The following NR3C1 variants were observed in gnomAD, a reference collection of about 807,000 sequenced individuals.
NR3C1 encodes nuclear receptor subfamily 3 group C member 1.
Under a neutral mutation model 74.0 loss-of-function variants are expected in NR3C1, and 14 were observed. The ratio of observed to expected loss-of-function variants is 0.19; its 90% CI spans 0.12 to 0.30. NR3C1 has a LOEUF of 0.30. Ranked by LOEUF, NR3C1 falls within the 10% of genes least tolerant of loss-of-function variation. The pLI, the probability that NR3C1 is intolerant of heterozygous loss-of-function variation, is 1.00. For synonymous variants in NR3C1, 308 were observed against 332.5 expected (o/e 0.93, Z 0.80); for missense variants, 695 against 909.8 (o/e 0.76, Z 3.04).
intron 2 of NR3C1, among the ~76,000 whole-genome samples, chr5:143,385,107 A>G (rs1475395229): frequency 6.6e-6 from 1 of 152,246 alleles, no homozygotes; most frequent in Non-Finnish European, 1.5e-5. Context: ...CTGAAGCAAC[A>G]GCCCAAGATT....
In NR3C1 at chr5:143,403,367, G is replaced by T; in HGVS notation, c.-170C>A. The T allele has an allele frequency of 1.0e-6, 1 of 985,482 alleles. No individual in the cohort carries two copies. Among genetic ancestry groups the T allele is most frequent in the Non-Finnish European group, 1.2e-6 (1 of 829,978 alleles). 61.0% of individuals were successfully genotyped at this position (985,482 alleles called of 1,614,324 possible). A position where few individuals can be genotyped will look rare whatever the true frequency, so the allele number is the denominator to read the frequency against. ...AGCCGCCCCTTTCTCCATGGGTGGG[G>T]GGAGAGCCCCTATTTAAGAAAGTCT... On this transcript the variant is annotated 5_prime_UTR_variant, in exon 1 of 9. Coordinates refer to ENST00000394464, the MANE Select transcript of NR3C1 (RefSeq NM_000176.3).
intron 1 of NR3C1, among the ~76,000 whole-genome samples, chr5:143,411,243 G>T (rs1841282191): frequency 6.6e-6 from 1 of 152,160 alleles, no homozygotes; most frequent in Non-Finnish European, 1.5e-5. Flanking sequence ...ACCAGAGCTT[G>T]ATTTGTTTTG....
At chr5:143,372,713 T>C (rs548970646) in intron 2 of NR3C1, among the ~76,000 whole-genome samples, 2 of 152,276 alleles carry the variant, frequency 1.3e-5, no homozygotes, top group Non-Finnish European at 2.9e-5. Context: ...ACATAAAAGT[T>C]GGGGAGGCTA....
intron 1 of NR3C1, among the ~76,000 whole-genome samples, chr5:143,421,486 T>C (rs1310536868): frequency 6.6e-6 from 1 of 152,092 alleles, no homozygotes; most frequent in East Asian, 1.9e-4. Flanking sequence ...CACAGGATTG[T>C]TATGAGGACT....
chr5:143,375,065 A>AT (rs1834931790), intron 2 of NR3C1, among the ~76,000 whole-genome samples: 1 of 152,194 alleles, frequency 6.6e-6, no homozygotes, highest in Admixed American at 6.5e-5. Flanking sequence ...CAGCAGCTAT[A>AT]TTTGAACACA....
At chr5:143,342,080 A>G (rs1251116912) in intron 2 of NR3C1, among the ~76,000 whole-genome samples, 1 of 152,144 alleles carries the variant, frequency 6.6e-6, no homozygotes, top group Non-Finnish European at 1.5e-5. Flanking sequence ...CGACAGCCAC[A>G]GTCAAAACAG....
At chr5:143,411,031 CTT>C (rs1841272799) in intron 1 of NR3C1, among the ~76,000 whole-genome samples, 1 of 152,116 alleles carries the variant, frequency 6.6e-6, no homozygotes, top group South Asian at 2.1e-4. Context: ...ATGCTGAAGA[CTT>C]TACTGCCTAA....
intron 1 of NR3C1, among the ~76,000 whole-genome samples, chr5:143,430,868 CTCCTCAGCAAG>C (rs1215886137): frequency 1.3e-5 from 2 of 152,174 alleles, no homozygotes; most frequent in Non-Finnish European, 2.9e-5. Context: ...CACAGCCTGC[CTCCTCAGCAAG>C]TTCCCACCGT....
intron 7 of NR3C1, among the ~76,000 whole-genome samples, chr5:143,287,940 T>C (rs1020841471): frequency 7.2e-5 from 11 of 152,140 alleles, no homozygotes; most frequent in African/African-American, 2.7e-4. Context: ...AATTGAGAAA[T>C]TGCAACAGGG....
chr5:143,387,148 G>A (rs937644246), intron 2 of NR3C1, among the ~76,000 whole-genome samples: 1 of 152,086 alleles, frequency 6.6e-6, no homozygotes. Context: ...GGCTTCTCAG[G>A]GAACAGAAAC....
At chr5:143,333,104 C>A in intron 2 of NR3C1, 1 of 1,594,138 alleles carries the variant, frequency 6.3e-7, no homozygotes, top group South Asian at 1.1e-5. Flanking sequence ...TCCAGGAGAT[C>A]TCATGGTTCT....
chr5:143,314,625 G>A (rs925788122), intron 2 of NR3C1, among the ~76,000 whole-genome samples: 2 of 151,884 alleles, frequency 1.3e-5, no homozygotes, highest in African/African-American at 4.8e-5. Flanking sequence ...AATTGCTTAG[G>A]CCATAATTTT....
intron 4 of NR3C1, among the ~76,000 whole-genome samples, chr5:143,304,820 A>C (rs1006058191): frequency 1.3e-5 from 2 of 152,190 alleles, no homozygotes; most frequent in African/African-American, 4.8e-5. Context: ...CTATTCCATT[A>C]ATGGTGCTGG....
In NR3C1 at chr5:143,314,157, C is replaced by A. The variant is rs772483223; in HGVS notation, c.1196G>T (p.Arg399Ile). 1 of 1,613,572 alleles carries A rather than the reference C, an allele frequency of 6.2e-7. No individual in the cohort carries two copies. Among genetic ancestry groups the A allele is most frequent in the Non-Finnish European group, 8.5e-7 (1 of 1,179,722 alleles). ...FSNGYSSPSMRPDVSSPPSSS... is the reference protein window; with the variant it reads ...FSNGYSSPSMIPDVSSPPSSS... ...GGATGGAGGAGAGCTTACATCTGGT[C>A]TCATGCTGGGGCTAAAGAAGGGGAA... is the stretch of plus-strand genomic sequence containing the variant. Residue 399 changes from arginine to isoleucine, a missense_variant, in exon 3 of 9, where the codon AGA becomes ATA. Coordinates refer to ENST00000394464, the MANE Select transcript of NR3C1 (RefSeq NM_000176.3).
At chr5:143,338,146 T>C (rs1561605657) in intron 2 of NR3C1, among the ~76,000 whole-genome samples, 1 of 152,242 alleles carries the variant, frequency 6.6e-6, no homozygotes, top group East Asian at 1.9e-4. Context: ...CAGCTGTGCA[T>C]TGTAATACAA....
chr5:143,316,728 C>T (rs1233757009), intron 2 of NR3C1, among the ~76,000 whole-genome samples: 3 of 152,120 alleles, frequency 2.0e-5, no homozygotes, highest in East Asian at 1.9e-4. Context: ...TAAGGTAACA[C>T]ATAGAAAATC....
intron 2 of NR3C1, among the ~76,000 whole-genome samples, chr5:143,359,454 A>G (rs747017001): frequency 2.6e-5 from 4 of 152,266 alleles, no homozygotes; most frequent in African/African-American, 9.6e-5. Flanking sequence ...CATCCTCAAC[A>G]AAAGTTCTCT....
intron 2 of NR3C1, among the ~76,000 whole-genome samples, chr5:143,354,400 T>C (rs1600212541): frequency 1.3e-5 from 2 of 152,348 alleles, no homozygotes; most frequent in Non-Finnish European, 2.9e-5. Flanking sequence ...GTTTAGCCAC[T>C]TCTAGCTTTT....
At chr5:143,405,213 T>C (rs561453574), upstream of NR3C1, 2 of 985,670 alleles carry the variant, frequency 2.0e-6, no homozygotes, top group East Asian at 2.3e-4. Flanking sequence ...GGGTTTAGGG[T>C]TTGGGGAGGT....
Sources: gnomAD v4.1 joint callset for allele counts (sites outside exome capture counted in the v4.1 genomes callset) on GRCh38, gnomAD v4.1.1 for gene constraint, MANE v1.5 for transcripts, NCBI Gene and HGNC (gene_info 2026-07-23, HGNC 2026-07-21) for gene names.